OR13C2: variants seen among roughly 807,000 people sequenced by gnomAD.
OR13C2 encodes the protein olfactory receptor 13C2.
In OR13C2, 9 loss-of-function variants were observed where a neutral mutation model predicts 12.8. That is an observed-to-expected ratio of 0.71 (90% CI 0.43 to 1.23). The LOEUF is 1.23. OR13C2 is among the 50% of genes most tolerant of loss of function. OR13C2 has a pLI of 0.00. For missense variants in OR13C2, 333 were observed against 387.0 expected, an observed-to-expected ratio of 0.86 and a Z score of 1.17; for synonymous variants, 110 against 138.0, an observed-to-expected ratio of 0.80 and a Z score of 1.42.
chr9:104,605,347 A>G lies in OR13C2; in HGVS notation c.281T>C (p.Leu94Pro), dbSNP rs764803127. The change falls in exon 1 of 1, where the codon CTT (leucine) becomes CCT (proline). Residue 94 changes from leucine (L) to proline (P), a missense_variant. Transcript: ENST00000542196. Reference sequence around the variant, plus strand: ...GAACATCTGCACTGCACAGCCAGAAAGGGAAATGGTCTTTCTTTCTGAAAG... The same window carrying G: ...GAACATCTGCACTGCACAGCCAGAAGGGGAAATGGTCTTTCTTTCTGAAAG... ...SFLSERKTIS[L>P]SGCAVQMFLG... 44 of 1,612,428 alleles carry G rather than the reference A, an allele frequency of 2.7e-5. No individual in the cohort carries two copies. The highest frequency in any genetic ancestry group is 3.6e-5 in the Non-Finnish European group (43 of 1,179,920).
rs1394217643 is a variant in OR13C2, at chr9:104,605,298, T to C, written c.330A>G (p.Thr110=). The C allele has an allele frequency of 1.2e-6, 2 of 1,613,672 alleles. No homozygotes were observed. The highest frequency in any genetic ancestry group is 1.7e-6 in the Non-Finnish European group (2 of 1,180,030). ...CCATCATGCCCAGAAGCACACACTC[T>C]GTTGTCCCCATGGCCAAGCCGAGGA... ...QMFLGLAMGT[T]ECVLLGMMAF... is the part of the protein sequence containing the mutation. The change falls in exon 1 of 1, where the codon ACA becomes ACG. Residue 110 remains threonine (T), a synonymous_variant. Transcript: ENST00000542196.
At position 104,604,851 on chromosome 9, in the gene OR13C2, G is replaced by A. The variant is rs10820679; in HGVS notation, c.777C>T (p.Tyr259=). The change falls in exon 1 of 1, where the codon TAC becomes TAT. Residue 259 remains tyrosine, a synonymous_variant. Coordinates refer to ENST00000542196, the MANE Select transcript of OR13C2 (RefSeq NM_001004481.1). The part of the protein sequence containing the change: ...IIFYGTILFM[Y]MKPKSKETLN... ...GTGTCTCTTTAGACTTGGGCTTCAT[G>A]TACATGAAGAGGATGGTCCCATAGA... is the stretch of plus-strand genomic sequence containing the variant. 0.24 allele frequency: 389,895 copies of A among 1,611,520 alleles called. 49,756 individuals carry two copies. The highest frequency in any genetic ancestry group is 0.39 in the East Asian group (17,361 of 44,816).
Position 104,604,953 on chromosome 9 carries a change from G to A in OR13C2, c.675C>T (p.Ile225=). 1 of 1,613,584 alleles carries A rather than the reference G, an allele frequency of 6.2e-7. No homozygotes were observed. The highest frequency in any genetic ancestry group is 8.5e-7 in the Non-Finnish European group (1 of 1,179,976). The change falls in exon 1 of 1, where the codon ATC becomes ATT. Residue 225 remains isoleucine, a synonymous_variant. Coordinates refer to ENST00000542196, the MANE Select transcript of OR13C2 (RefSeq NM_001004481.1). ...IVSYTLIIVS[I]FKISSSEGRS... Reference sequence around the variant, plus strand: ...TCCCCTCGGAAGAGCTAATTTTGAAGATGCTCACAATGATTAACGTGTAAG... The same window carrying A: ...TCCCCTCGGAAGAGCTAATTTTGAAAATGCTCACAATGATTAACGTGTAAG...
chr9:104,605,105 T>A lies in OR13C2; in HGVS notation c.523A>T (p.Asn175Tyr), dbSNP rs1409030272. Residue 175 changes from asparagine to tyrosine, a missense_variant, in exon 1 of 1, where the codon AAT becomes TAT. Asn to Tyr is a moderately radical substitution (Grantham distance 143). Coordinates refer to ENST00000542196, the MANE Select transcript of OR13C2 (RefSeq NM_001004481.1). ...QLPFCRNNII[N>Y]HFTCEILAVM... Reference sequence around the variant, plus strand: ...GCCAGAATTTCACAGGTGAAATGATTGATGATGTTATTCCTGCAGAAAGGC... The same window carrying A: ...GCCAGAATTTCACAGGTGAAATGATAGATGATGTTATTCCTGCAGAAAGGC... 3.1e-6 allele frequency: 5 copies of A among 1,597,876 alleles called. No individual in the cohort carries two copies. The African/African-American group carries it at 4.5e-5, about 14-fold the overall frequency.
At position 104,604,912 on chromosome 9, in the gene OR13C2, G is replaced by A. The variant is rs1352416490; in HGVS notation, c.716C>T (p.Ser239Phe). ...CACAGTCAGATGGGCTGAACAGGTA[G>A]AGGAAGCTTTGCTTCTCCCCTCGGA... ...SSSEGRSKAS[S>F]TCSAHLTVVI... The change falls in exon 1 of 1, where the codon TCT becomes TTT. Residue 239 changes from serine to phenylalanine, a missense_variant. Physicochemically the swap from Ser to Phe is radical, Grantham distance 155. Coordinates refer to ENST00000542196, the MANE Select transcript of OR13C2 (RefSeq NM_001004481.1). The A allele has an allele frequency of 1.2e-6, 2 of 1,613,506 alleles. No homozygotes were observed. The highest frequency in any genetic ancestry group is 1.7e-5 in the Admixed American group (1 of 59,982).
rs1282146052 is a variant in OR13C2, at chr9:104,605,007, T to C, written c.621A>G (p.Ile207Met). Residue 207 changes from isoleucine (I) to methionine (M), a missense_variant, in exon 1 of 1, where the codon ATA becomes ATG. Coordinates refer to ENST00000542196, the MANE Select transcript of OR13C2 (RefSeq NM_001004481.1). The stretch of plus-strand genomic sequence containing the variant: ...CAATGATTAATAACAAAGGTGTCAA[T>C]ATGAACAATGTTGTGGCCACAAGCA... ...FIMLVATTLF[I>M]LTPLLLIIVS... The C allele has an allele frequency of 1.9e-6, 3 of 1,613,498 alleles. No individual in the cohort carries two copies. The highest frequency in any genetic ancestry group is 2.5e-6 in the Non-Finnish European group (3 of 1,179,982).
At position 104,605,597 on chromosome 9, in the gene OR13C2, C is replaced by T. The variant is rs747135132; in HGVS notation, c.31G>A (p.Glu11Lys). The T allele has an allele frequency of 1.9e-6, 3 of 1,604,840 alleles. No individual in the cohort carries two copies. The South Asian group carries it at 3.4e-5, about 18-fold the overall frequency. MEWENHTILV[E>K]FFLKGLSGHP... Reference sequence around the variant, plus strand: ...CCAGAAAGTCCCTTCAGAAAAAATTCCACCAGAATGGTGTGGTTTTCCCAT... The same window carrying T: ...CCAGAAAGTCCCTTCAGAAAAAATTTCACCAGAATGGTGTGGTTTTCCCAT... Residue 11 changes from glutamate (E) to lysine (K), a missense_variant, in exon 1 of 1, where the codon GAA becomes AAA. Glu to Lys is a moderately conservative substitution (Grantham distance 56, BLOSUM62 1). Transcript: ENST00000542196.
chr9:104,604,747 A>G lies in OR13C2; in HGVS notation c.881T>C (p.Leu294Ser), dbSNP rs1188261578. 1.9e-6 allele frequency: 3 copies of G among 1,613,316 alleles called. No homozygotes were observed. In the South Asian group the frequency reaches 3.3e-5, roughly 18 times the overall value. ...ATCCTTGTTTCTAAGACTGTAGATTAAAGGATTCATCATGGGAGTCATCAC... is the reference window on the plus strand; with the variant it reads ...ATCCTTGTTTCTAAGACTGTAGATTGAAGGATTCATCATGGGAGTCATCAC... ...YGVMTPMMNP[L>S]IYSLRNKDVK... Residue 294 changes from leucine to serine, a missense_variant, in exon 1 of 1, where the codon TTA becomes TCA. Physicochemically the swap from Leu to Ser is moderately radical, Grantham distance 145. Transcript: ENST00000542196.
chr9:104,605,050 G>C lies in OR13C2; in HGVS notation c.578C>G (p.Ser193Ter), dbSNP rs2118543319. Residue 193 changes from serine (S) to a stop codon, truncating the protein, a stop_gained, in exon 1 of 1, where the codon TCA becomes TGA. Coordinates refer to ENST00000542196, the MANE Select transcript of OR13C2 (RefSeq NM_001004481.1). LOFTEE classifies it high-confidence loss of function. Reference sequence around the variant, plus strand: ...CACAAGCATGATGAACTCATTGTCTGAGATGTCAGCACAGGCCAGTTTCAT... The same window carrying C: ...CACAAGCATGATGAACTCATTGTCTCAGATGTCAGCACAGGCCAGTTTCAT... ...AVMKLACADI[S>*]DNEFIMLVAT... 6.2e-7 allele frequency: 1 copy of C among 1,613,714 alleles called. No homozygotes were observed. Among genetic ancestry groups the C allele is most frequent in the Non-Finnish European group, 8.5e-7 (1 of 1,179,986 alleles).
rs143424787 is a variant in OR13C2 at position 104,604,987 on chromosome 9, A to G, written c.641T>C (p.Ile214Thr). The G allele has an allele frequency of 6.2e-7, 1 of 1,613,650 alleles. No individual in the cohort carries two copies. The highest frequency in any genetic ancestry group is 8.5e-7 in the Non-Finnish European group (1 of 1,179,974). Reference sequence around the variant, plus strand: ...AATGATTAACGTGTAAGAGACAATGATTAATAACAAAGGTGTCAATATGAA... The same window carrying G: ...AATGATTAACGTGTAAGAGACAATGGTTAATAACAAAGGTGTCAATATGAA... ...TLFILTPLLL[I>T]IVSYTLIIVS... Residue 214 changes from isoleucine to threonine, a missense_variant, in exon 1 of 1, where the codon ATC becomes ACC. By Grantham distance (89) the Ile-to-Thr change is moderately conservative (BLOSUM62 -1). Transcript: ENST00000542196.
chr9:104,605,270 A>G lies in OR13C2; in HGVS notation c.358T>C (p.Phe120Leu). Reference protein sequence around the residue: ...TECVLLGMMAFDRYVAICNPL... With the variant: ...TECVLLGMMALDRYVAICNPL... ...TTGCAGATAGCCACATAGCGGTCAA[A>G]GGCCATCATGCCCAGAAGCACACAC... The change falls in exon 1 of 1, where the codon TTT becomes CTT. Residue 120 changes from phenylalanine (F) to leucine (L), a missense_variant. By Grantham distance (22) the Phe-to-Leu change is conservative. Coordinates refer to ENST00000542196, the MANE Select transcript of OR13C2 (RefSeq NM_001004481.1). 1 of 1,613,746 alleles carries G rather than the reference A, an allele frequency of 6.2e-7. No individual in the cohort carries two copies. Among genetic ancestry groups the G allele is most frequent in the Non-Finnish European group, 8.5e-7 (1 of 1,180,018 alleles).
At position 104,605,161 on chromosome 9, in the gene OR13C2, G is replaced by A. The variant is rs761826957; in HGVS notation, c.467C>T (p.Ser156Phe). 4.3e-6 allele frequency: 7 copies of A among 1,613,030 alleles called. No individual in the cohort carries two copies. The highest frequency in any genetic ancestry group is 2.2e-5 in the South Asian group (2 of 91,074). The change falls in exon 1 of 1, where the codon TCT (serine) becomes TTT (phenylalanine). Residue 156 changes from serine to phenylalanine, a missense_variant. By Grantham distance (155) the Ser-to-Phe change is radical (BLOSUM62 -2). Transcript: ENST00000542196. ...TACCACAAACACTGATTGTACTGCA[G>A]AATTGACAGCTCCTATGATCCAGGA... The part of the protein sequence containing the change: ...AGSWIIGAVN[S>F]AVQSVFVVQL...
Position 104,604,694 on chromosome 9 carries a change from T to C in OR13C2, c.934A>G (p.Asn312Asp). 1.2e-6 allele frequency: 2 copies of C among 1,611,514 alleles called. No homozygotes were observed. The highest frequency in any genetic ancestry group is 1.1e-5 in the South Asian group (1 of 90,830). Residue 312 changes from asparagine (N) to aspartate (D), a missense_variant, in exon 1 of 1, where the codon AAC becomes GAC. Asn to Asp is a conservative substitution (Grantham distance 23). Coordinates refer to ENST00000542196, the MANE Select transcript of OR13C2 (RefSeq NM_001004481.1). ...DVKEAVKHLL[N>D]RRFFSK ...ACTCACTTGCTAAAGAACCTTCTGT[T>C]CAGTAGGTGTTTTACTGCCTCTTTC...
rs773346659 is a variant in OR13C2 at position 104,605,166 on chromosome 9, G to A, written c.462C>T (p.Val154=). 2.5e-6 allele frequency: 4 copies of A among 1,613,214 alleles called. No homozygotes were observed. The highest frequency in any genetic ancestry group is 3.4e-6 in the Non-Finnish European group (4 of 1,179,910). The change falls in exon 1 of 1, where the codon GTC becomes GTT. Residue 154 remains valine (V), a synonymous_variant. Coordinates refer to ENST00000542196, the MANE Select transcript of OR13C2 (RefSeq NM_001004481.1). ...CAAACACTGATTGTACTGCAGAATTGACAGCTCCTATGATCCAGGACCCAG... is the reference window on the plus strand; with the variant it reads ...CAAACACTGATTGTACTGCAGAATTAACAGCTCCTATGATCCAGGACCCAG... ...MAAGSWIIGA[V]NSAVQSVFVV... is the part of the protein sequence containing the mutation.
rs1851716 is a variant in OR13C2 at position 104,605,150 on chromosome 9, A to G, written c.478T>C (p.Ser160Pro). 19 of 1,608,990 alleles carry G rather than the reference A, an allele frequency of 1.2e-5. No homozygotes were observed. The highest frequency in any genetic ancestry group is 1.5e-5 in the Non-Finnish European group (18 of 1,177,384). Residue 160 changes from serine (S) to proline (P), a missense_variant, in exon 1 of 1, where the codon TCA becomes CCA. Coordinates refer to ENST00000542196, the MANE Select transcript of OR13C2 (RefSeq NM_001004481.1). Reference protein sequence around the residue: ...IIGAVNSAVQSVFVVQLPFCR... With the variant: ...IIGAVNSAVQPVFVVQLPFCR... Reference sequence around the variant, plus strand: ...AAAGGCAATTGTACCACAAACACTGATTGTACTGCAGAATTGACAGCTCCT... The same window carrying G: ...AAAGGCAATTGTACCACAAACACTGGTTGTACTGCAGAATTGACAGCTCCT...
In OR13C2 at chr9:104,604,984, A is replaced by G. The variant is rs376804727; in HGVS notation, c.644T>C (p.Ile215Thr). 15 of 1,613,498 alleles carry G rather than the reference A, an allele frequency of 9.3e-6. No homozygotes were observed. The African/African-American group carries it at 1.7e-4, about 19-fold the overall frequency. ...LFILTPLLLI[I>T]VSYTLIIVSI... ...CACAATGATTAACGTGTAAGAGACA[A>G]TGATTAATAACAAAGGTGTCAATAT... The change falls in exon 1 of 1, where the codon ATT becomes ACT. Residue 215 changes from isoleucine to threonine, a missense_variant. Coordinates refer to ENST00000542196, the MANE Select transcript of OR13C2 (RefSeq NM_001004481.1).
rs765314113 is a variant in OR13C2, at chr9:104,605,072, T to G, written c.556A>C (p.Lys186Gln). The G allele has an allele frequency of 6.8e-6, 11 of 1,613,172 alleles. No homozygotes were observed. Among genetic ancestry groups the G allele is most frequent in the Non-Finnish European group, 1.7e-6 (2 of 1,180,004 alleles). The change falls in exon 1 of 1, where the codon AAA (lysine) becomes CAA (glutamine). Residue 186 changes from lysine to glutamine, a missense_variant. Transcript: ENST00000542196. ...TCTGAGATGTCAGCACAGGCCAGTT[T>G]CATGACAGCCAGAATTTCACAGGTG... ...HFTCEILAVM[K>Q]LACADISDNE...
rs1220001507 is a variant in OR13C2, at chr9:104,605,507, C to G, written c.121G>C (p.Gly41Arg). ...CTGATTAAAATGAGAGTACCATTCC[C>G]CAGAAGGATGACCACATACATTATG... ...IFIMYVVILL[G>R]NGTLILISIL... is the part of the protein sequence containing the mutation. Residue 41 changes from glycine (G) to arginine (R), a missense_variant, in exon 1 of 1, where the codon GGG becomes CGG. Coordinates refer to ENST00000542196, the MANE Select transcript of OR13C2 (RefSeq NM_001004481.1). The G allele has an allele frequency of 6.2e-7, 1 of 1,610,196 alleles. No individual in the cohort carries two copies. Among genetic ancestry groups the G allele is most frequent in the East Asian group, 2.2e-5 (1 of 44,772 alleles).
rs748653876 is a variant in OR13C2 at position 104,604,798 on chromosome 9, T to G, written c.830A>C (p.Asp277Ala). Residue 277 changes from aspartate (D) to alanine (A), a missense_variant, in exon 1 of 1, where the codon GAC becomes GCC. Coordinates refer to ENST00000542196, the MANE Select transcript of OR13C2 (RefSeq NM_001004481.1). ...CCCATAGAACATGGATATAATTTTGTCGGTAGCATCCAAGTCATCCGAATT... is the reference window on the plus strand; with the variant it reads ...CCCATAGAACATGGATATAATTTTGGCGGTAGCATCCAAGTCATCCGAATT... ...TLNSDDLDAT[D>A]KIISMFYGVM... 1.2e-6 allele frequency: 2 copies of G among 1,613,462 alleles called. No individual in the cohort carries two copies. The highest frequency in any genetic ancestry group is 1.7e-6 in the Non-Finnish European group (2 of 1,179,934).
Sources: gnomAD v4.1 joint callset for allele counts on GRCh38, gnomAD v4.1.1 for gene constraint, MANE v1.5 for transcripts, NCBI Gene and HGNC (gene_info 2026-07-23, HGNC 2026-07-21) for gene names.